Variants in FKBP5 observed in about 807,000 individuals in gnomAD.
FKBP5 encodes peptidyl-prolyl cis-trans isomerase FKBP5.
Under a neutral mutation model 50.5 loss-of-function variants are expected in FKBP5, and 23 were observed. That is an observed-to-expected ratio of 0.46 (90% CI 0.33 to 0.65). FKBP5 has a LOEUF of 0.65. FKBP5 is among the 30% of genes least tolerant of loss of function. The pLI is 0.02. For synonymous variants in FKBP5, 176 were observed against 190.6 expected (o/e 0.92, Z 0.63); for missense variants, 411 against 553.1 (o/e 0.74, Z 2.58).
intron 8 of FKBP5, chr6:35,585,778 C>A: frequency 7.1e-6 from 7 of 985,254 alleles, no homozygotes; most frequent in Non-Finnish European, 8.4e-6. Flanking sequence ...ATCCTTATAA[C>A]ATATTGCAAT....
chr6:35,670,744 GAAAGA>G (rs1167670822), intron 1 of FKBP5, among the ~76,000 whole-genome samples: 16 of 141,216 alleles, frequency 1.1e-4, no homozygotes, highest in Admixed American at 4.1e-4. Flanking sequence ...AAAAAAAAAA[GAAAGA>G]AAAGAAAAGA....
intron 1 of FKBP5, among the ~76,000 whole-genome samples, chr6:35,671,774 T>C (rs147318745): frequency 1.3e-5 from 2 of 152,082 alleles, no homozygotes; most frequent in East Asian, 3.9e-4. Flanking sequence ...ATTTAAAAAA[T>C]AGAAACAGAA....
chr6:35,723,105 G>C (rs1163372136), intron 1 of FKBP5, among the ~76,000 whole-genome samples: 16 of 151,896 alleles, frequency 1.1e-4, no homozygotes, highest in Non-Finnish European at 1.6e-4. Context: ...TGGTGGCGGG[G>C]GCCTGTAATC....
At chr6:35,639,873 T>C (rs1764428901) in intron 2 of FKBP5, among the ~76,000 whole-genome samples, 1 of 152,212 alleles carries the variant, frequency 6.6e-6, no homozygotes, top group Non-Finnish European at 1.5e-5. Context: ...TCAGAATGCA[T>C]CAGATAATCT....
rs1368811871 is a variant in FKBP5, at chr6:35,694,798, T to TGC, written c.-20+25528_-20+25529dup. ...GATTGGGGTTTTTTTAGTTATGTAT[T>TGC]GCTTCATAGCAAACTATTCCAAAAT... On this transcript the variant is annotated intron_variant, in intron 2 of 11. Transcript: ENST00000536438. Among the ~76,000 whole-genome samples, 8 of 152,318 alleles carry TGC rather than the reference T, an allele frequency of 5.3e-5. No homozygotes were observed. The South Asian group carries it at 8.3e-4, about 16-fold the overall frequency.
intron 5 of FKBP5, among the ~76,000 whole-genome samples, chr6:35,612,346 C>T (rs995079677): frequency 1.2e-4 from 19 of 152,110 alleles, no homozygotes; most frequent in African/African-American, 4.1e-4. Flanking sequence ...AGCTAAGATG[C>T]GCCATTGCAC....
intron 5 of FKBP5, among the ~76,000 whole-genome samples, chr6:35,608,687 CA>C (rs1333531753): frequency 6.6e-6 from 1 of 152,048 alleles, no homozygotes; most frequent in Non-Finnish European, 1.5e-5. Flanking sequence ...ACCTCATCTC[CA>C]AAAAATGTTT....
intron 1 of FKBP5, among the ~76,000 whole-genome samples, chr6:35,721,753 C>T (rs192695234): frequency 3.3e-5 from 5 of 152,326 alleles, no homozygotes; most frequent in East Asian, 1.9e-4. Flanking sequence ...CATGCCCAGC[C>T]GACAATAGTG....
At chr6:35,704,653 T>C (rs1212313729) in intron 2 of FKBP5, among the ~76,000 whole-genome samples, 1 of 152,154 alleles carries the variant, frequency 6.6e-6, no homozygotes, top group Non-Finnish European at 1.5e-5. Context: ...AAATTGTATA[T>C]TTTTGTAGAC....
intron 3 of FKBP5, among the ~76,000 whole-genome samples, chr6:35,632,318 G>C (rs1289273478): frequency 6.6e-6 from 1 of 152,000 alleles, no homozygotes; most frequent in Non-Finnish European, 1.5e-5. Flanking sequence ...TGTTTCCAAG[G>C]TTTGTACGCA....
upstream of FKBP5, among the ~76,000 whole-genome samples, chr6:35,693,373 C>A (rs1766031364): frequency 6.6e-6 from 1 of 151,614 alleles, no homozygotes; most frequent in South Asian, 2.1e-4. Flanking sequence ...CCATGTTAGC[C>A]AGGATGGTCT....
chr6:35,586,857 T>C, intron 8 of FKBP5, 177 bp downstream of exon 8: 1 of 1,450,536 alleles, frequency 6.9e-7, no homozygotes, highest in South Asian at 1.5e-5. Flanking sequence ...CTTTTTTTTT[T>C]TTCCACATGA....
At chr6:35,646,122 AAG>A (rs889733058) in intron 1 of FKBP5, among the ~76,000 whole-genome samples, 4 of 152,218 alleles carry the variant, frequency 2.6e-5, no homozygotes, top group African/African-American at 4.8e-5. Flanking sequence ...TCTCAAAAAA[AAG>A]AGAGAGGAAA....
chr6:35,654,667 C>T (rs1165182840), intron 1 of FKBP5, among the ~76,000 whole-genome samples: 1 of 152,150 alleles, frequency 6.6e-6, no homozygotes, highest in African/African-American at 2.4e-5. Flanking sequence ...TCTTGTCGCC[C>T]AGGCTAGAGT....
chr6:35,640,093 C>CTATA (rs1217042115), intron 2 of FKBP5, among the ~76,000 whole-genome samples: 1 of 152,188 alleles, frequency 6.6e-6, no homozygotes, highest in Non-Finnish European at 1.5e-5. Flanking sequence ...AAATGATTAA[C>CTATA]TATAGAGTGA....
intron 5 of FKBP5, among the ~76,000 whole-genome samples, chr6:35,611,589 A>G (rs1763496088): frequency 6.6e-6 from 1 of 152,206 alleles, no homozygotes; most frequent in Non-Finnish European, 1.5e-5. Flanking sequence ...AAAAGTAGCA[A>G]TGTAGCCAAG....
In FKBP5 at chr6:35,577,106, T is replaced by G. The variant is rs759488963; in HGVS notation, c.1154A>C (p.Lys385Thr). ...EKVLEVNPQN[K>T]AARLQISMCQ... is the part of the protein sequence containing the mutation. ...CATGGAGATCTGCAGTCTTGCAGCC[T>G]TATTCTGGGGGTTTACTTCCAGCAC... The change falls in exon 10 of 11, where the codon AAG becomes ACG. Residue 385 changes from lysine to threonine, a missense_variant. By Grantham distance (78) the Lys-to-Thr change is moderately conservative. This residue lies in a region of FKBP5 where 267 missense variants were observed against 405.9 expected (regional missense o/e 0.66). Coordinates refer to ENST00000357266, the MANE Select transcript of FKBP5 (RefSeq NM_004117.4). 3 of 1,614,086 alleles carry G rather than the reference T, an allele frequency of 1.9e-6. No homozygotes were observed. Among genetic ancestry groups the G allele is most frequent in the African/African-American group, 1.3e-5 (1 of 74,928 alleles).
At chr6:35,684,311 T>C (rs1164105175) in intron 1 of FKBP5, among the ~76,000 whole-genome samples, 1 of 151,930 alleles carries the variant, frequency 6.6e-6, no homozygotes, top group African/African-American at 2.4e-5. Flanking sequence ...CCCAAGTAGC[T>C]GGGACTACAG....
intron 1 of FKBP5, among the ~76,000 whole-genome samples, chr6:35,679,893 T>C (rs1249501584): frequency 6.6e-6 from 1 of 152,036 alleles, no homozygotes; most frequent in Non-Finnish European, 1.5e-5. Flanking sequence ...CAAAAACCAC[T>C]TGTACTCCAA....
Sources: allele counts gnomAD v4.1 joint callset (sites outside exome capture counted in the v4.1 genomes callset), GRCh38; gene constraint gnomAD v4.1.1; regional missense constraint gnomAD v4.1.1; transcripts MANE v1.5; gene names NCBI Gene and HGNC (gene_info 2026-07-23, HGNC 2026-07-21).